REEP5: variants seen among roughly 807,000 people sequenced by gnomAD.
REEP5 encodes receptor expression-enhancing protein 5.
Under a neutral mutation model 22.4 loss-of-function variants are expected in REEP5, and 24 were observed. The ratio of observed to expected loss-of-function variants is 1.07; its 90% CI spans 0.78 to 1.51. REEP5 has a LOEUF of 1.51. REEP5 is among the 40% of genes most tolerant of loss of function. REEP5 has a pLI of 0.00. For missense variants in REEP5, 252 were observed against 233.0 expected (o/e 1.08, Z -0.53); for synonymous variants, 103 against 88.6 (o/e 1.16, Z -0.92).
chr5:112,910,538 A>G (rs1769077234), intron 2 of REEP5, among the ~76,000 whole-genome samples: 1 of 152,242 alleles, frequency 6.6e-6, no homozygotes, highest in Non-Finnish European at 1.5e-5. Context: ...CTATTTTATT[A>G]CCATCATGCC....
intron 1 of REEP5, 112 bp from the exon 2 acceptor site, chr5:112,921,368 C>A: frequency 1.0e-6 from 1 of 983,678 alleles, no homozygotes; most frequent in Non-Finnish European, 1.6e-6. Flanking sequence ...CCTCTCGACT[C>A]GATTAAAGGA....
At chr5:112,914,590 T>G (rs988639667) in intron 2 of REEP5, among the ~76,000 whole-genome samples, 1 of 152,196 alleles carries the variant, frequency 6.6e-6, no homozygotes, top group African/African-American at 2.4e-5. Flanking sequence ...GGACAACCCT[T>G]TGTCAATAAA....
At chr5:112,890,690 C>T (rs1156800852) in intron 3 of REEP5, among the ~76,000 whole-genome samples, 1 of 150,276 alleles carries the variant, frequency 6.7e-6, no homozygotes, top group Non-Finnish European at 1.5e-5. Context: ...AAATCTCACT[C>T]TAAAGATATA....
At position 112,889,696 on chromosome 5, in the gene REEP5, A is replaced by G. The variant is rs528637558; in HGVS notation, c.352-2513T>C. ...ATAGATTTTAACATTTCCATCAGAAATTGATATACTAGCCAGGCTTACACC... is the reference window on the plus strand; with the variant it reads ...ATAGATTTTAACATTTCCATCAGAAGTTGATATACTAGCCAGGCTTACACC... On this transcript the variant is annotated intron_variant, in intron 3 of 4. Transcript: ENST00000379638. 6.6e-5 allele frequency among the ~76,000 whole-genome samples: 10 copies of G among 150,654 alleles called. No individual in the cohort carries two copies. The South Asian group carries it at 1.9e-3, about 28-fold the overall frequency.
At chr5:112,902,649 T>C (rs1335736808) in intron 2 of REEP5, 131 bp from the exon 3 acceptor site, 2 of 722,860 alleles carry the variant, frequency 2.8e-6, no homozygotes, top group Non-Finnish European at 4.3e-6. Flanking sequence ...TGTCACTAGA[T>C]GCAAGAGTAC....
At chr5:112,912,696 G>A (rs2150047327) in intron 2 of REEP5, among the ~76,000 whole-genome samples, 1 of 152,224 alleles carries the variant, frequency 6.6e-6, no homozygotes, top group South Asian at 2.1e-4. Flanking sequence ...CACATAACTT[G>A]ACCATCCTCC....
chr5:112,906,700 C>T (rs1328799094), intron 2 of REEP5, among the ~76,000 whole-genome samples: 4 of 152,194 alleles, frequency 2.6e-5, no homozygotes, highest in Admixed American at 1.3e-4. Context: ...ATCTACAGAA[C>T]TTATTAAAAA....
At chr5:112,892,389 C>T (rs1188679463) in intron 3 of REEP5, 10 of 1,613,930 alleles carry the variant, frequency 6.2e-6, no homozygotes, top group South Asian at 3.3e-5. Context: ...ATGTGTTGCC[C>T]GAGTTCAAGA....
At chr5:112,908,257 C>A (rs1481645378) in intron 2 of REEP5, among the ~76,000 whole-genome samples, 1 of 151,782 alleles carries the variant, frequency 6.6e-6, no homozygotes, top group Non-Finnish European at 1.5e-5. Flanking sequence ...CCTGCCACCA[C>A]GCCCCGCTAG....
chr5:112,911,610 G>T (rs543029494), intron 2 of REEP5, among the ~76,000 whole-genome samples: 20 of 152,262 alleles, frequency 1.3e-4, no homozygotes, highest in Non-Finnish European at 2.9e-4. Flanking sequence ...ATGCAAAATA[G>T]ATCAAATGCT....
chr5:112,900,684 C>A lies in REEP5; in HGVS notation c.351+1696G>T, dbSNP rs542535061. 6.1e-4 allele frequency among the ~76,000 whole-genome samples: 92 copies of A among 152,056 alleles called. 1 individual carries two copies. In the East Asian group the frequency reaches 0.017, roughly 28 times the overall value. On this transcript the variant is annotated intron_variant, in intron 3 of 4. Coordinates refer to ENST00000379638, the MANE Select transcript of REEP5 (RefSeq NM_005669.5). ...ACTATGGTTCCTGTGTGCCTGGGGC[C>A]CCCCACTCCTAGGACTCATCCACCC...
chr5:112,884,984 A>G (rs952231836), intron 4 of REEP5: 1 of 152,196 alleles, frequency 6.6e-6, no homozygotes, highest in African/African-American at 2.4e-5. Flanking sequence ...ATAAATATTT[A>G]TTGAGTGAAT....
At chr5:112,908,672 CCCACGACAGCGCCCACGA>C (rs367700588) in intron 2 of REEP5, among the ~76,000 whole-genome samples, 188 of 151,958 alleles carry the variant, frequency 1.2e-3, no homozygotes, top group Middle Eastern at 6.8e-3. Flanking sequence ...ACTACAGGTG[CCCACGACAGCGCCCACGA>C]CCACGACAGC....
Position 112,878,006 on chromosome 5 carries a change from TG to T in REEP5, c.*779del, listed in dbSNP as rs1767950503. The T allele has an allele frequency of 1.3e-5, 2 of 148,886 alleles. No homozygotes were observed. Among genetic ancestry groups the T allele is most frequent in the South Asian group, 4.4e-4 (2 of 4,522 alleles). The allele number at this position is 148,886 out of a possible 1,614,324, so 9.2% of individuals were successfully genotyped here. On this transcript the variant is annotated 3_prime_UTR_variant, in exon 5 of 5. Transcript: ENST00000379638. ...CTGTGTGTGTGTGTGTGTGTGTGTG[TG>T]TGTGTGTGTGTGTGTAAATTTCCCG...
At chr5:112,879,346 C>T (rs916087202) in intron 4 of REEP5, among the ~76,000 whole-genome samples, 1 of 42,356 alleles carries the variant, frequency 2.4e-5, no homozygotes, top group Non-Finnish European at 5.1e-5. Flanking sequence ...GCTGGGGGGG[C>T]GGTGGGGGAG....
intron 3 of REEP5, chr5:112,891,680 C>T (rs1389867590): frequency 6.2e-7 from 1 of 1,613,584 alleles, no homozygotes; most frequent in Non-Finnish European, 8.5e-7. Context: ...AAGAAGATGA[C>T]ATTTCCAGAG....
chr5:112,878,879 T>TC, intron 4 of REEP5, 44 bp from the exon 5 acceptor site: 1 of 1,613,552 alleles, frequency 6.2e-7, no homozygotes, highest in Non-Finnish European at 8.5e-7. Flanking sequence ...TCAAAGCTCT[T>TC]TCTTTGGAAT....
chr5:112,897,158 T>C (rs1327774933), intron 3 of REEP5: 1 of 152,164 alleles, frequency 6.6e-6, no homozygotes, highest in African/African-American at 2.4e-5. Context: ...CACAGAATTA[T>C]ATATCATATG....
intron 3 of REEP5, among the ~76,000 whole-genome samples, chr5:112,890,849 A>G (rs1768416964): frequency 6.6e-6 from 1 of 150,800 alleles, no homozygotes; most frequent in Non-Finnish European, 1.5e-5. Context: ...TAATCACTTA[A>G]GTCTGGTTTT....
Sources: gnomAD v4.1 joint callset for allele counts (sites outside exome capture counted in the v4.1 genomes callset) on GRCh38, gnomAD v4.1.1 for gene constraint, MANE v1.5 for transcripts, NCBI Gene and HGNC (gene_info 2026-07-23, HGNC 2026-07-21) for gene names.